CMIP: variants seen among roughly 807,000 people sequenced by gnomAD.
CMIP encodes the protein C-Maf-inducing protein.
CMIP carries 13 observed loss-of-function variants against 97.3 expected under a neutral mutation model. That is an observed-to-expected ratio of 0.13 (90% CI 0.09 to 0.21). The LOEUF is 0.21. Among genes scored for constraint, CMIP ranks in the 10% least tolerant of loss-of-function variants. The probability of loss-of-function intolerance (pLI) is 1.00; values close to 1 mark genes in which losing one functional copy is unlikely to be tolerated. For synonymous variants in CMIP, 538 were observed against 436.3 expected (o/e 1.23, Z -2.91); for missense variants, 847 against 1,024.9 (o/e 0.83, Z 2.37).
rs1453949345 is a variant in CMIP, at chr16:81,652,019, C to CA, written c.478-184_478-183insA. 6.6e-6 allele frequency among the ~76,000 whole-genome samples: 1 copy of CA among 152,054 alleles called. No individual in the cohort carries two copies. Among genetic ancestry groups the CA allele is most frequent in the African/African-American group, 2.4e-5 (1 of 41,390 alleles). On this transcript the variant is annotated intron_variant, in intron 3 of 20. Transcript: ENST00000537098. This position sits in a 1 kb window ranked among gnomAD's most constrained non-coding sequence, Gnocchi z 5.2. ...AGGAGGCCTGGCTGCAAATGCACCC[C>CA]GTGACTTTGGATGAGACCCTTCCTC...
At chr16:81,450,772 A>T (rs1906157545) in intron 1 of CMIP, among the ~76,000 whole-genome samples, 1 of 152,204 alleles carries the variant, frequency 6.6e-6, no homozygotes, top group Non-Finnish European at 1.5e-5. Context: ...AAATTACAAA[A>T]ATTGAAATAC....
At chr16:81,541,435 C>T (rs2090447367) in intron 1 of CMIP, among the ~76,000 whole-genome samples, 1 of 152,196 alleles carries the variant, frequency 6.6e-6, no homozygotes, top group Admixed American at 6.5e-5. Context: ...TAGGCCCAGC[C>T]AGTCTAACCA....
At chr16:81,624,284 A>T (rs560685692) in intron 3 of CMIP, among the ~76,000 whole-genome samples, 3 of 152,294 alleles carry the variant, frequency 2.0e-5, no homozygotes, top group African/African-American at 7.2e-5. Context: ...ATATGTATAT[A>T]TGTGCCATGT....
chr16:81,593,442 C>A (rs576017759), intron 1 of CMIP, among the ~76,000 whole-genome samples: 1 of 152,116 alleles, frequency 6.6e-6, no homozygotes, highest in African/African-American at 2.4e-5. Flanking sequence ...GGGTCTCTGA[C>A]CCCAGGCCAT....
chr16:81,702,026 C>T (rs899775717), intron 16 of CMIP, among the ~76,000 whole-genome samples: 2 of 152,214 alleles, frequency 1.3e-5, no homozygotes, highest in African/African-American at 4.8e-5. Flanking sequence ...CAGGACATTG[C>T]CCACCCTCCC....
intron 1 of CMIP, among the ~76,000 whole-genome samples, chr16:81,478,788 A>T (rs879816649): frequency 4.6e-5 from 7 of 152,154 alleles, no homozygotes; most frequent in Admixed American, 2.6e-4. Flanking sequence ...ATCCAGAGGC[A>T]CTCAGGGAGG....
At chr16:81,656,518 A>G (rs2092484079) in intron 4 of CMIP, among the ~76,000 whole-genome samples, 1 of 152,232 alleles carries the variant, frequency 6.6e-6, no homozygotes. Flanking sequence ...AAGGGCGGGC[A>G]CTTCTGAGTT....
intron 1 of CMIP, among the ~76,000 whole-genome samples, chr16:81,509,166 G>A (rs552765563): frequency 3.3e-5 from 5 of 152,348 alleles, no homozygotes; most frequent in African/African-American, 7.2e-5. Context: ...CACCAACACC[G>A]TGTGCTCCCC....
chr16:81,611,523 C>T (rs1251522604), intron 2 of CMIP: 12 of 153,002 alleles, frequency 7.8e-5, no homozygotes, highest in Non-Finnish European at 8.8e-5. Flanking sequence ...CCATGTGTGT[C>T]TGTTTTCCTC....
At chr16:81,682,071 C>T (rs538536549) in intron 10 of CMIP, among the ~76,000 whole-genome samples, 16 of 152,104 alleles carry the variant, frequency 1.1e-4, no homozygotes, top group East Asian at 9.7e-4. Flanking sequence ...GGTGTGGTGG[C>T]GGGCGCCTGT....
intron 3 of CMIP, among the ~76,000 whole-genome samples, chr16:81,625,254 C>T (rs1028473606): frequency 9.9e-5 from 15 of 152,282 alleles, no homozygotes; most frequent in Admixed American, 6.5e-5. Flanking sequence ...GCTGCTCCAC[C>T]TCCCAGCATT....
chr16:81,636,097 G>A (rs1241291407), intron 3 of CMIP, among the ~76,000 whole-genome samples: 1 of 152,070 alleles, frequency 6.6e-6, no homozygotes, highest in African/African-American at 2.4e-5. Flanking sequence ...GAGTGTGTGT[G>A]TAACTGGGTT....
chr16:81,485,176 C>G (rs143079862), intron 1 of CMIP, among the ~76,000 whole-genome samples: 1 of 152,204 alleles, frequency 6.6e-6, no homozygotes, highest in African/African-American at 2.4e-5. Flanking sequence ...GTATGTATAC[C>G]AGAATGTATT....
At chr16:81,597,431 CTGAATAGCTGTGTGCGGTTGGTCAAGTTG>C (rs1472016548) in intron 1 of CMIP, among the ~76,000 whole-genome samples, 1 of 152,210 alleles carries the variant, frequency 6.6e-6, no homozygotes, top group Non-Finnish European at 1.5e-5. Context: ...CAGCTCTCTC[CTGAATAGCTGTGTGCGGTTGGTCAAGTTG>C]TGCACCTGCT....
chr16:81,497,114 G>T (rs545639494), intron 1 of CMIP, among the ~76,000 whole-genome samples: 3 of 152,202 alleles, frequency 2.0e-5, no homozygotes, highest in Non-Finnish European at 4.4e-5. Flanking sequence ...GCTGGAGCTG[G>T]TGGTGCCCAT....
At chr16:81,632,419 G>A (rs760368598) in intron 3 of CMIP, among the ~76,000 whole-genome samples, 8 of 152,298 alleles carry the variant, frequency 5.3e-5, no homozygotes, top group South Asian at 2.1e-4. Context: ...ACGCGGTTCC[G>A]TTCCATGCTC....
intron 1 of CMIP, among the ~76,000 whole-genome samples, chr16:81,575,925 C>T (rs749244963): frequency 1.3e-4 from 20 of 152,164 alleles, no homozygotes; most frequent in Non-Finnish European, 2.6e-4. Flanking sequence ...ACTGGCTAAA[C>T]TGTAAGACTT....
At chr16:81,467,663 C>T (rs1418221828) in intron 1 of CMIP, among the ~76,000 whole-genome samples, 4 of 151,436 alleles carry the variant, frequency 2.6e-5, no homozygotes, top group African/African-American at 9.7e-5. Flanking sequence ...TCACTACAAC[C>T]TCCGCCTTCC....
chr16:81,561,112 G>A (rs116867614), intron 1 of CMIP, among the ~76,000 whole-genome samples: 4 of 152,148 alleles, frequency 2.6e-5, no homozygotes, highest in African/African-American at 4.8e-5. Context: ...ATGCCACCAC[G>A]CTTGGCTACT....
Sources: gnomAD v4.1 joint callset for allele counts (sites outside exome capture counted in the v4.1 genomes callset) on GRCh38, gnomAD v4.1.1 for gene constraint, Gnocchi (gnomAD v3.1) non-coding constraint, MANE v1.5 for transcripts, NCBI Gene and HGNC (gene_info 2026-07-23, HGNC 2026-07-21) for gene names.